Variants in TEX11 observed in about 807,000 individuals in gnomAD.
TEX11 encodes testis-expressed protein 11.
TEX11 carries 7 observed loss-of-function variants against 84.4 expected under a neutral mutation model. The ratio of observed to expected loss-of-function variants is 0.08; its 90% CI spans 0.05 to 0.16. The LOEUF is 0.16. Ranked by LOEUF, TEX11 falls within the 10% of genes least tolerant of loss-of-function variation. The probability of loss-of-function intolerance (pLI) is 1.00; values close to 1 mark genes in which losing one functional copy is unlikely to be tolerated. For synonymous variants in TEX11, 264 were observed against 222.8 expected (o/e 1.18, Z -1.64); for missense variants, 551 against 660.5 (o/e 0.83, Z 1.82).
At chrX:70,675,969 T>C (rs371678166) in intron 15 of TEX11, among the ~76,000 whole-genome samples, 1 of 112,011 alleles carries the variant, frequency 8.9e-6, no homozygotes, top group Non-Finnish European at 1.9e-5. Flanking sequence ...CTACTCTAGG[T>C]ACCTCATGTA....
At chrX:70,711,978 G>A (rs1473526283) in intron 13 of TEX11, among the ~76,000 whole-genome samples, 1 of 111,689 alleles carries the variant, frequency 9.0e-6, no homozygotes, top group Non-Finnish European at 1.9e-5. Flanking sequence ...AAGGTGTAAG[G>A]AAGGGATCCA....
chrX:70,789,778 G>T (rs1432364728), intron 9 of TEX11, among the ~76,000 whole-genome samples: 1 of 111,865 alleles, frequency 8.9e-6, no homozygotes, highest in Non-Finnish European at 1.9e-5. Context: ...TGCAGCTTTT[G>T]GGTATTTACC....
chrX:70,839,175 G>T (rs1280595288), intron 7 of TEX11, among the ~76,000 whole-genome samples: 1 of 112,096 alleles, frequency 8.9e-6, no homozygotes, highest in East Asian at 2.8e-4. Context: ...TGAGATCTGG[G>T]AACGGGCAGA....
chrX:70,742,271 A>G (rs1467669459), intron 10 of TEX11, among the ~76,000 whole-genome samples: 7 of 109,867 alleles, frequency 6.4e-5, no homozygotes, highest in Non-Finnish European at 1.1e-4. Flanking sequence ...TATAGGTGAG[A>G]ACATCCATAT....
chrX:70,671,548 G>T (rs911522479), intron 15 of TEX11, among the ~76,000 whole-genome samples: 8 of 110,349 alleles, frequency 7.2e-5, no homozygotes, highest in Non-Finnish European at 1.3e-4. Flanking sequence ...TGGAAAATGA[G>T]AGGAAAGAAA....
chrX:70,539,211 T>A (rs1171635353), intron 28 of TEX11, among the ~76,000 whole-genome samples: 1 of 106,032 alleles, frequency 9.4e-6, no homozygotes, highest in Non-Finnish European at 1.9e-5. Flanking sequence ...ACTTTTGTAA[T>A]TTTAGTAGAG....
the TEX11 span, among the ~76,000 whole-genome samples, chrX:70,515,973 A>C: frequency 9.0e-6 from 1 of 110,768 alleles, no homozygotes; most frequent in South Asian, 3.9e-4. Context: ...GAGTTGTTTG[A>C]TTTTTTCTTG....
intron 16 of TEX11, among the ~76,000 whole-genome samples, chrX:70,656,441 A>G (rs1229172306): frequency 9.0e-6 from 1 of 110,525 alleles, no homozygotes; most frequent in African/African-American, 3.3e-5. Context: ...GTAGGTAGGA[A>G]GAAAAAAAAA....
intron 17 of TEX11, among the ~76,000 whole-genome samples, chrX:70,647,148 C>T (rs5980725): frequency 0.19 from 21,513 of 110,478 alleles, 1,660 homozygotes; most frequent in African/African-American, 0.21. Context: ...AAAATAAATA[C>T]CACATGATCT....
intron 17 of TEX11, among the ~76,000 whole-genome samples, chrX:70,646,096 G>A (rs2089738829): frequency 9.0e-6 from 1 of 111,677 alleles, no homozygotes; most frequent in African/African-American, 3.2e-5. Context: ...GAAGGAAATA[G>A]AGAGCCCAGA....
At chrX:70,886,758 C>T (rs2091711318) in intron 2 of TEX11, among the ~76,000 whole-genome samples, 1 of 111,634 alleles carries the variant, frequency 9.0e-6, no homozygotes, top group South Asian at 3.8e-4. Flanking sequence ...AGAACAGGCT[C>T]AGAGAATAGA....
chrX:70,658,734 A>AT lies in TEX11; in HGVS notation c.1381-7183dup, dbSNP rs1211011101. Among the ~76,000 whole-genome samples, 268 of 109,502 alleles carry AT rather than the reference A, an allele frequency of 2.4e-3. 1 individual carries two copies. Among genetic ancestry groups the AT allele is most frequent in the Non-Finnish European group, 4.1e-3 (216 of 52,285 alleles). On this transcript the variant is annotated intron_variant, in intron 16 of 29. Coordinates refer to ENST00000374333, the MANE Select transcript of TEX11 (RefSeq NM_031276.3). ...TAATCCCTATGACAATTCCAAGGGC[A>AT]TTTTTTTTTCATAAATAAAAAAACC...
chrX:70,617,661 T>C (rs7884566), intron 20 of TEX11, among the ~76,000 whole-genome samples: 8,682 of 109,623 alleles, frequency 0.079, 431 homozygotes, highest in Admixed American at 0.25. Context: ...AAAATAGACA[T>C]TGGAGACTTG....
At chrX:70,875,509 C>T (rs5936597) in intron 3 of TEX11, among the ~76,000 whole-genome samples, 41,042 of 105,330 alleles carry the variant, frequency 0.39, 6,871 homozygotes, top group East Asian at 0.56. Context: ...GAGGCCGAGG[C>T]AGGTGGATCA....
At chrX:70,853,663 T>C (rs999773946) in intron 5 of TEX11, among the ~76,000 whole-genome samples, 21 of 112,661 alleles carry the variant, frequency 1.9e-4, no homozygotes, top group Middle Eastern at 4.6e-3. Context: ...GAAAGGCATA[T>C]GATAAGCATT....
intron 20 of TEX11, among the ~76,000 whole-genome samples, chrX:70,616,371 A>G (rs5980981): frequency 0.2 from 22,528 of 111,063 alleles, 1,809 homozygotes; most frequent in African/African-American, 0.22. Flanking sequence ...GTGTTAAGTC[A>G]TCAGATTAAA....
chrX:70,535,924 T>C (rs888571054), intron 28 of TEX11, among the ~76,000 whole-genome samples: 20 of 110,674 alleles, frequency 1.8e-4, no homozygotes, highest in Non-Finnish European at 3.0e-4. Context: ...TTTTGTGGTA[T>C]CTTGTGCTAT....
intron 9 of TEX11, among the ~76,000 whole-genome samples, chrX:70,773,889 T>C (rs947675571): frequency 2.7e-5 from 3 of 111,114 alleles, no homozygotes; most frequent in African/African-American, 6.5e-5. Context: ...TTGGCCAAGA[T>C]TGGCTGCGAG....
chrX:70,831,621 C>T (rs1336977684), intron 8 of TEX11, among the ~76,000 whole-genome samples: 1 of 111,247 alleles, frequency 9.0e-6, no homozygotes, highest in Admixed American at 9.7e-5. Flanking sequence ...GAGCAATACT[C>T]TATCTCTTCA....
Sources: allele counts gnomAD v4.1 joint callset (sites outside exome capture counted in the v4.1 genomes callset), GRCh38; gene constraint gnomAD v4.1.1; transcripts MANE v1.5; gene names NCBI Gene and HGNC (gene_info 2026-07-23, HGNC 2026-07-21).